CACNA1C: variants seen among roughly 807,000 people sequenced by gnomAD.
CACNA1C encodes voltage-dependent L-type calcium channel subunit alpha-1C.
CACNA1C carries 30 observed loss-of-function variants against 229.0 expected under a neutral mutation model. That is an observed-to-expected ratio of 0.13 (90% CI 0.10 to 0.18). The LOEUF (loss-of-function observed/expected upper bound fraction) is 0.18. CACNA1C is among the 10% of genes least tolerant of loss of function. CACNA1C has a pLI of 1.00. For synonymous variants in CACNA1C, 1,114 were observed against 1,132.5 expected, an observed-to-expected ratio of 0.98 and a Z score of 0.33; for missense variants, 1,658 against 2,845.0, an observed-to-expected ratio of 0.58 and a Z score of 9.49.
chr12:2,374,571 C>T (rs1317474736), intron 3 of CACNA1C, among the ~76,000 whole-genome samples: 2 of 152,238 alleles, frequency 1.3e-5, no homozygotes, highest in Non-Finnish European at 2.9e-5. Context: ...TTTTCCTACT[C>T]TGAGGCATTG....
chr12:2,188,428 T>C (rs2097110289), intron 3 of CACNA1C, among the ~76,000 whole-genome samples: 1 of 152,208 alleles, frequency 6.6e-6, no homozygotes, highest in Non-Finnish European at 1.5e-5. Context: ...TTGTGTGAAA[T>C]ATTTATTTTG....
At chr12:1,991,390 A>G (rs1593212163) in intron 1 of CACNA1C, 1 of 282,342 alleles carries the variant, frequency 3.5e-6, no homozygotes, top group East Asian at 8.6e-5. Flanking sequence ...TTCAATAGAA[A>G]TATGAGGGGA....
intron 26 of CACNA1C, chr12:2,607,942 G>A (rs1229857058): frequency 6.6e-6 from 1 of 152,552 alleles, no homozygotes; most frequent in Admixed American, 6.5e-5. Flanking sequence ...GATAATCCCT[G>A]TCCATGAAAA....
chr12:2,327,535 T>G (rs972192122), intron 3 of CACNA1C, among the ~76,000 whole-genome samples: 12 of 152,236 alleles, frequency 7.9e-5, no homozygotes, highest in African/African-American at 2.9e-4. Flanking sequence ...AGAATGACAG[T>G]CTTTAACCAG....
At chr12:2,650,154 C>T (rs1176010109) in intron 31 of CACNA1C, among the ~76,000 whole-genome samples, 2 of 152,140 alleles carry the variant, frequency 1.3e-5, no homozygotes, top group Admixed American at 1.3e-4. Context: ...TATTTTTGCT[C>T]TTCTCCTGTT....
chr12:2,021,046 A>G (rs139774991), intron 1 of CACNA1C, among the ~76,000 whole-genome samples: 22 of 152,294 alleles, frequency 1.4e-4, no homozygotes, highest in Non-Finnish European at 2.5e-4. Flanking sequence ...ATTTTTCCCT[A>G]ATGGTAAAAT....
chr12:2,464,979 G>A (rs893755774), intron 5 of CACNA1C, among the ~76,000 whole-genome samples: 4 of 152,212 alleles, frequency 2.6e-5, no homozygotes, highest in African/African-American at 4.8e-5. Flanking sequence ...ACTGGCTTCT[G>A]CCACTTACTG....
chr12:2,374,589 G>A (rs999696311), intron 3 of CACNA1C, among the ~76,000 whole-genome samples: 9 of 152,174 alleles, frequency 5.9e-5, no homozygotes, highest in East Asian at 1.9e-4. Flanking sequence ...TTGGTAGAGC[G>A]GTCAGGGCTC....
At chr12:2,492,913 G>T (rs968701180) in intron 6 of CACNA1C, among the ~76,000 whole-genome samples, 51 of 152,206 alleles carry the variant, frequency 3.4e-4, no homozygotes, top group Non-Finnish European at 6.6e-4. Flanking sequence ...ATGGGCAATA[G>T]AAATCAATTA....
chr12:2,677,762 G>C lies in CACNA1C; in HGVS notation c.4986G>C (p.Gly1662=). The C allele has an allele frequency of 6.2e-7, 1 of 1,613,890 alleles. No homozygotes were observed. Among genetic ancestry groups the C allele is most frequent in the South Asian group, 1.1e-5 (1 of 91,054 alleles). The change falls in exon 41 of 47, where the codon GGG becomes GGC. Residue 1662 remains glycine, a synonymous_variant. Coordinates refer to ENST00000399655, the MANE Select transcript of CACNA1C (RefSeq NM_000719.7). The surrounding 1 kb of genome is among the most constrained non-coding windows in gnomAD (Gnocchi z 7.4). ...GCTTGCGCACACTGCATGACATCGG[G>C]CCTGAGATCCGACGGGCCATCTCTG... ...QAGLRTLHDI[G]PEIRRAISGD...
intron 3 of CACNA1C, among the ~76,000 whole-genome samples, chr12:2,219,396 C>G (rs1488107118): frequency 2.6e-5 from 4 of 152,232 alleles, no homozygotes; most frequent in East Asian, 1.9e-4. Flanking sequence ...GAGGACCTCA[C>G]TGAAGTGGAG....
Position 2,232,432 on chromosome 12 carries a change from A to C in CACNA1C, c.477+112002A>C, listed in dbSNP as rs144028028. 1.3e-5 allele frequency among the ~76,000 whole-genome samples: 2 copies of C among 152,100 alleles called. 1 individual carries two copies. The highest frequency in any genetic ancestry group is 4.8e-5 in the African/African-American group (2 of 41,494). On this transcript the variant is annotated intron_variant, in intron 3 of 46. Coordinates refer to ENST00000399655, the MANE Select transcript of CACNA1C (RefSeq NM_000719.7). ...ATATCACAGAAGTGATGTTCCCTTCACAATGTGTCCTATCAAAGGGTAAAG... is the reference window on the plus strand; with the variant it reads ...ATATCACAGAAGTGATGTTCCCTTCCCAATGTGTCCTATCAAAGGGTAAAG...
chr12:2,007,428 G>C (rs2043656468), intron 1 of CACNA1C, among the ~76,000 whole-genome samples: 1 of 152,222 alleles, frequency 6.6e-6, no homozygotes, highest in South Asian at 2.1e-4. Flanking sequence ...ACAAGTCTTA[G>C]TGATCTGTAT....
At chr12:2,050,343 T>C (rs2051913337), upstream of CACNA1C, among the ~76,000 whole-genome samples, 1 of 152,226 alleles carries the variant, frequency 6.6e-6, no homozygotes, top group African/African-American at 2.4e-5. Flanking sequence ...TCAGTTTCCA[T>C]ATCTGTAAAA....
intron 3 of CACNA1C, among the ~76,000 whole-genome samples, chr12:2,253,804 G>T (rs2076439963): frequency 6.6e-6 from 1 of 152,160 alleles, no homozygotes; most frequent in African/African-American, 2.4e-5. Flanking sequence ...CTCTCATGTT[G>T]CAATGGAAGA....
rs73046488 is a variant in CACNA1C, at chr12:2,073,061, G to A, written c.49+19450G>A. On this transcript the variant is annotated intron_variant, in intron 1 of 46. Coordinates refer to ENST00000399655, the MANE Select transcript of CACNA1C (RefSeq NM_000719.7). Reference sequence around the variant, plus strand: ...AAGTGCATCACACATTCTCAGTGGCGGCAACACGGACCATTGTTAAACCAC... The same window carrying A: ...AAGTGCATCACACATTCTCAGTGGCAGCAACACGGACCATTGTTAAACCAC... Among the ~76,000 whole-genome samples, 261 of 152,216 alleles carry A rather than the reference G, an allele frequency of 1.7e-3. 1 individual carries two copies. The highest frequency in any genetic ancestry group is 5.7e-3 in the African/African-American group (237 of 41,560).
intron 3 of CACNA1C, among the ~76,000 whole-genome samples, chr12:2,120,759 G>A (rs971088767): frequency 1.3e-4 from 19 of 151,114 alleles, no homozygotes; most frequent in Middle Eastern, 3.4e-3. Flanking sequence ...GCAGGTGTTC[G>A]CTGCAGCGAA....
chr12:2,403,634 A>T lies in CACNA1C; in HGVS notation c.478-45342A>T, dbSNP rs1027968574. ...GATAATTTATAGATGCATTGACACT[A>T]TATGATTAGGAAAGTACAGTAAATA... On this transcript the variant is annotated intron_variant, in intron 3 of 46. Transcript: ENST00000399655. This position sits in a 1 kb window ranked among gnomAD's most constrained non-coding sequence, Gnocchi z 4.1. Among the ~76,000 whole-genome samples the T allele has an allele frequency of 6.9e-6, 1 of 144,918 alleles. No individual in the cohort carries two copies. Among genetic ancestry groups the T allele is most frequent in the Non-Finnish European group, 1.5e-5 (1 of 66,418 alleles).
chr12:2,298,881 A>T (rs994809019), intron 3 of CACNA1C, among the ~76,000 whole-genome samples: 2 of 152,174 alleles, frequency 1.3e-5, no homozygotes, highest in African/African-American at 4.8e-5. Context: ...ATCTTGCAGG[A>T]CACTGTGCTG....
Sources: gnomAD v4.1 joint callset for allele counts (sites outside exome capture counted in the v4.1 genomes callset) on GRCh38, gnomAD v4.1.1 for gene constraint, Gnocchi (gnomAD v3.1) non-coding constraint, MANE v1.5 for transcripts, NCBI Gene and HGNC (gene_info 2026-07-23, HGNC 2026-07-21) for gene names.